The following WDR26 variants were observed in gnomAD, a reference collection of about 807,000 sequenced individuals.
The protein encoded by WDR26 is WD repeat-containing protein 26.
In WDR26, 5 loss-of-function variants were observed where a neutral mutation model predicts 84.1. That is an observed-to-expected ratio of 0.06 (90% CI 0.03 to 0.13). The LOEUF is 0.13. Among genes scored for constraint, WDR26 ranks in the 10% least tolerant of loss-of-function variants. The probability of loss-of-function intolerance (pLI) is 1.00; values close to 1 mark genes in which losing one functional copy is unlikely to be tolerated. For missense variants in WDR26, 642 were observed against 974.9 expected (o/e 0.66, Z 4.55); for synonymous variants, 415 against 389.6 (o/e 1.07, Z -0.77).
At position 224,434,225 on chromosome 1, in the gene WDR26, A is replaced by C. The variant is rs1674528328; in HGVS notation, c.181T>G (p.Ser61Ala). The C allele has an allele frequency of 7.2e-7, 1 of 1,391,832 alleles. No homozygotes were observed. Among genetic ancestry groups the C allele is most frequent in the African/African-American group, 1.5e-5 (1 of 67,378 alleles). 86.2% of individuals were successfully genotyped at this position (1,391,832 alleles called of 1,614,324 possible). ...ACCACGGAGGAGGAGGAGGAGGAGGAGGACGAGGACGACGAGGACGGAGGG... is the reference window on the plus strand; with the variant it reads ...ACCACGGAGGAGGAGGAGGAGGAGGCGGACGAGGACGACGAGGACGGAGGG... The change falls in exon 1 of 14, where the codon TCC (serine) becomes GCC (alanine). Residue 61 changes from serine (S) to alanine (A), a missense_variant. By Grantham distance (99) the Ser-to-Ala change is moderately conservative. Around this residue, in one of 2 missense-constraint regions of WDR26, gnomAD observed 291 missense variants for 302.1 expected, o/e 0.96. Transcript: ENST00000414423.
chr1:224,428,098 T>C (rs781180402), intron 3 of WDR26, among the ~76,000 whole-genome samples: 4 of 152,242 alleles, frequency 2.6e-5, no homozygotes, highest in Non-Finnish European at 4.4e-5. Flanking sequence ...TCCATTTTAA[T>C]ATCTAATAAA....
chr1:224,398,805 TAA>T, intron 10 of WDR26, 82 bp downstream of exon 10: 2 of 1,552,924 alleles, frequency 1.3e-6, no homozygotes, highest in South Asian at 2.3e-5. Flanking sequence ...ACGAAAAACA[TAA>T]AAACTGTGAA....
At chr1:224,404,679 G>A (rs1673504777) in intron 7 of WDR26, 109 bp from the exon 8 acceptor site, 1 of 1,323,284 alleles carries the variant, frequency 7.6e-7, no homozygotes, top group Admixed American at 2.6e-5. Flanking sequence ...TTAATCTGAG[G>A]AAATTTTCAG....
intron 1 of WDR26, 45 bp downstream of exon 1, chr1:224,433,639 G>A (rs765097919): frequency 9.5e-6 from 10 of 1,053,826 alleles, no homozygotes; most frequent in Admixed American, 4.7e-5. Flanking sequence ...TGGAGCCTCC[G>A]TCCCTCGGTC....
intron 7 of WDR26, among the ~76,000 whole-genome samples, chr1:224,407,506 T>C (rs1673616002): frequency 6.7e-6 from 1 of 148,768 alleles, no homozygotes; most frequent in Admixed American, 6.7e-5. Flanking sequence ...TATATACATA[T>C]ATAAATTTTT....
At position 224,418,183 on chromosome 1, in the gene WDR26, G is replaced by A; in HGVS notation, c.1319+77C>T. 4.7e-6 allele frequency: 6 copies of A among 1,284,490 alleles called. No individual in the cohort carries two copies. In the South Asian group the frequency reaches 7.6e-5, roughly 16 times the overall value. The allele number at this position is 1,284,490 out of a possible 1,614,324, so 79.6% of individuals were successfully genotyped here. On this transcript the variant is annotated intron_variant, in intron 6 of 13. Coordinates refer to ENST00000414423, the MANE Select transcript of WDR26 (RefSeq NM_001379403.1). The stretch of plus-strand genomic sequence containing the variant: ...GACATGAACTGTTATATAGCTACAG[G>A]ATAAGACTCTAAAAAAGAAAACTAA...
At chr1:224,433,555 G>A (rs1027529206) in intron 1 of WDR26, 129 bp downstream of exon 1, 7 of 1,291,114 alleles carry the variant, frequency 5.4e-6, no homozygotes, top group Non-Finnish European at 6.1e-6. Flanking sequence ...TGGGTCCTGC[G>A]TGCCCAGCAC....
At position 224,398,608 on chromosome 1, in the gene WDR26, T is replaced by G; in HGVS notation, c.1866-15A>C. On this transcript the variant is annotated splice_polypyrimidine_tract_variant and intron_variant, in intron 10 of 13. Coordinates refer to ENST00000414423, the MANE Select transcript of WDR26 (RefSeq NM_001379403.1). ...CTTCTTGTACTCTGGAACCAGAAAA[T>G]AATTTGTCAAAAACAACATATTAAC... 6.3e-7 allele frequency: 1 copy of G among 1,582,858 alleles called. No individual in the cohort carries two copies. The highest frequency in any genetic ancestry group is 8.6e-7 in the Non-Finnish European group (1 of 1,165,432).
At chr1:224,392,157 C>T (rs1215667991) in intron 13 of WDR26, among the ~76,000 whole-genome samples, 1 of 152,026 alleles carries the variant, frequency 6.6e-6, no homozygotes, top group Non-Finnish European at 1.5e-5. Flanking sequence ...GTCAGGAGAT[C>T]GAGACCATCC....
intron 6 of WDR26, among the ~76,000 whole-genome samples, chr1:224,414,114 T>C (rs1673821617): frequency 7.4e-6 from 1 of 135,734 alleles, no homozygotes; most frequent in South Asian, 2.4e-4. Context: ...GCCCGGCCTG[T>C]TTTTTTTTTT....
rs1012726572 is a variant in WDR26 at position 224,430,147 on chromosome 1, T to C, written c.927+1330A>G. 46 of 152,306 alleles carry C rather than the reference T, an allele frequency of 3.0e-4. 1 individual carries two copies. Among genetic ancestry groups the C allele is most frequent in the African/African-American group, 1.0e-3 (43 of 41,580 alleles). The allele number at this position is 152,306 out of a possible 1,614,324, so 9.4% of individuals were successfully genotyped here. On this transcript the variant is annotated intron_variant, in intron 3 of 13. Transcript: ENST00000414423. Reference sequence around the variant, plus strand: ...TCAATAAAATGTACTTGGGTATTTTTTTTTTAAACCCCAAACACACCAACT... The same window carrying C: ...TCAATAAAATGTACTTGGGTATTTTCTTTTTAAACCCCAAACACACCAACT...
At chr1:224,432,653 T>A (rs1022286376) in intron 1 of WDR26, among the ~76,000 whole-genome samples, 6 of 152,212 alleles carry the variant, frequency 3.9e-5, no homozygotes, top group Non-Finnish European at 2.9e-5. Flanking sequence ...GTGCCACTTT[T>A]AAAAAGTTCT....
At chr1:224,419,221 T>C (rs1205086662) in intron 5 of WDR26, among the ~76,000 whole-genome samples, 1 of 152,174 alleles carries the variant, frequency 6.6e-6, no homozygotes, top group Non-Finnish European at 1.5e-5. Context: ...CTTAAAACTG[T>C]GGTTTACATA....
chr1:224,393,860 G>C lies in WDR26; in HGVS notation c.2228C>G (p.Pro743Arg), dbSNP rs769182212. 3.2e-6 allele frequency: 5 copies of C among 1,568,326 alleles called. No homozygotes were observed. The highest frequency in any genetic ancestry group is 4.4e-6 in the Non-Finnish European group (5 of 1,145,202). ...ATTCTGGTGGTCTATAAAAGGTGCT[G>C]GTCCCCATATTCTAACAGTGCCATC... Residue 743 changes from proline (P) to arginine (R), a missense_variant, in exon 13 of 14, where the codon CCA becomes CGA. Pro to Arg is a moderately radical substitution (Grantham distance 103). Coordinates refer to ENST00000414423, the MANE Select transcript of WDR26 (RefSeq NM_001379403.1).
chr1:224,431,796 C>G lies in WDR26; in HGVS notation c.723-15G>C. ...CAACAGTCTGGCTGCAGGAAAGATA[C>G]AGTGTAAAACAGACCTGACCAATTT... On this transcript the variant is annotated splice_polypyrimidine_tract_variant and intron_variant, in intron 1 of 13. Transcript: ENST00000414423. 2 of 1,589,294 alleles carry G rather than the reference C, an allele frequency of 1.3e-6. No homozygotes were observed. Among genetic ancestry groups the G allele is most frequent in the South Asian group, 1.1e-5 (1 of 89,224 alleles).
chr1:224,396,728 G>A lies in WDR26; in HGVS notation c.2074+1369C>T, dbSNP rs568639342. ...AATCCCAGCACTTCAGGAGGCTGAGGCAGGTAGACTGCTTGAGCTCAGGAA... is the reference window on the plus strand; with the variant it reads ...AATCCCAGCACTTCAGGAGGCTGAGACAGGTAGACTGCTTGAGCTCAGGAA... On this transcript the variant is annotated intron_variant, in intron 12 of 13. Coordinates refer to ENST00000414423, the MANE Select transcript of WDR26 (RefSeq NM_001379403.1). 3.0e-4 allele frequency among the ~76,000 whole-genome samples: 46 copies of A among 152,252 alleles called. 1 individual carries two copies. In the South Asian group the frequency reaches 9.3e-3, roughly 31 times the overall value.
At position 224,434,030 on chromosome 1, in the gene WDR26, GGCCCCCGCCGCCCCCTCCTCCTCCACC is replaced by G; in HGVS notation, c.349_375del (p.Gly117_Gly125del). 6.8e-7 allele frequency: 1 copy of G among 1,471,652 alleles called. No homozygotes were observed. Among genetic ancestry groups the G allele is most frequent in the East Asian group, 2.5e-5 (1 of 40,274 alleles). 91.2% of individuals were successfully genotyped at this position (1,471,652 alleles called of 1,614,324 possible). A position where few individuals can be genotyped will look rare whatever the true frequency, so the allele number is the denominator to read the frequency against. ...CAGGCGAGTTCCGGGGTCTGTCCCT[GGCCCCCGCCGCCCCCTCCTCCTCCACC>G]GCCGCCGCCGCCACCTCCTCCTCCT... On this transcript the variant is annotated inframe_deletion, in exon 1 of 14. Coordinates refer to ENST00000414423, the MANE Select transcript of WDR26 (RefSeq NM_001379403.1).
Position 224,392,938 on chromosome 1 carries a change from C to CA in WDR26, c.2260+889dup, listed in dbSNP as rs1289983705. ...AAAAATTTAGGTGGGACATGCTTAA[C>CA]AAAAAATCTGTTTATATATAAACTG... On this transcript the variant is annotated intron_variant, in intron 13 of 13. Transcript: ENST00000414423. Among the ~76,000 whole-genome samples, 7 of 151,588 alleles carry CA rather than the reference C, an allele frequency of 4.6e-5. No homozygotes were observed. The South Asian group carries it at 8.3e-4, about 18-fold the overall frequency.
At chr1:224,415,612 C>T (rs894271353) in intron 6 of WDR26, among the ~76,000 whole-genome samples, 8 of 151,996 alleles carry the variant, frequency 5.3e-5, no homozygotes, top group African/African-American at 1.5e-4. Context: ...AGGCGTGTGC[C>T]GCCATGCCCG....
Sources: allele counts gnomAD v4.1 joint callset (sites outside exome capture counted in the v4.1 genomes callset), GRCh38; gene constraint gnomAD v4.1.1; regional missense constraint gnomAD v4.1.1; transcripts MANE v1.5; gene names NCBI Gene and HGNC (gene_info 2026-07-23, HGNC 2026-07-21).